FGF12: variants seen among roughly 807,000 people sequenced by gnomAD.
FGF12 encodes fibroblast growth factor 12, also known as fibroblast growth factor 12B.
FGF12 carries 14 observed loss-of-function variants against 23.6 expected under a neutral mutation model. That is an observed-to-expected ratio of 0.59 (90% CI 0.39 to 0.93). The LOEUF (loss-of-function observed/expected upper bound fraction) is 0.93. Ranked by LOEUF, FGF12 falls within the 40% of genes least tolerant of loss-of-function variation. The pLI is 0.00. For missense variants in FGF12, 175 were observed against 217.8 expected (o/e 0.80, Z 1.24); for synonymous variants, 62 against 77.3 (o/e 0.80, Z 1.04).
chr3:192,182,144 AT>A (rs1220175069), intron 4 of FGF12, among the ~76,000 whole-genome samples: 1 of 152,144 alleles, frequency 6.6e-6, no homozygotes, highest in Non-Finnish European at 1.5e-5. Context: ...ATTTGTGTGT[AT>A]TATGTATGAT....
In FGF12 at chr3:192,208,658, T is replaced by C. The variant is rs1049039294; in HGVS notation, c.229-38002A>G. Among the ~76,000 whole-genome samples the C allele has an allele frequency of 1.1e-4, 16 of 152,300 alleles. 2 individuals are homozygous for C. Among genetic ancestry groups the C allele is most frequent in the African/African-American group, 1.4e-4 (6 of 41,578 alleles). ...AACGGAGTCACTTCCAGAATGCAAA[T>C]AAATGTAGAATAATTTCAATTTTAA... On this transcript the variant is annotated intron_variant, in intron 4 of 5. Coordinates refer to ENST00000445105, the MANE Select transcript of FGF12 (RefSeq NM_004113.6).
intron 2 of FGF12, among the ~76,000 whole-genome samples, chr3:192,522,042 G>C (rs945825694): frequency 5.9e-5 from 9 of 152,064 alleles, no homozygotes; most frequent in Admixed American, 2.0e-4. Context: ...ACTAAAAATA[G>C]TAAATATTAG....
At chr3:192,577,414 T>C (rs1396001132) in intron 2 of FGF12, among the ~76,000 whole-genome samples, 1 of 152,194 alleles carries the variant, frequency 6.6e-6, no homozygotes, top group East Asian at 1.9e-4. Context: ...TTTGGCCCTT[T>C]GTATGTACTC....
At chr3:192,439,835 G>T (rs1445992593) in intron 2 of FGF12, among the ~76,000 whole-genome samples, 1 of 152,036 alleles carries the variant, frequency 6.6e-6, no homozygotes, top group Non-Finnish European at 1.5e-5. Flanking sequence ...AATTTAGCCG[G>T]GTGTGGTGGT....
At chr3:192,554,920 A>G (rs1397237006) in intron 2 of FGF12, among the ~76,000 whole-genome samples, 1 of 152,176 alleles carries the variant, frequency 6.6e-6, no homozygotes, top group Non-Finnish European at 1.5e-5. Context: ...GTTCAACTGC[A>G]TATTTGATCT....
chr3:192,723,271 AG>A (rs1719096250), intron 2 of FGF12, among the ~76,000 whole-genome samples: 1 of 152,108 alleles, frequency 6.6e-6, no homozygotes, highest in Non-Finnish European at 1.5e-5. Flanking sequence ...TAGATCACGC[AG>A]TTTCTTTTTC....
intron 2 of FGF12, among the ~76,000 whole-genome samples, chr3:192,595,463 T>C (rs1459362278): frequency 1.3e-5 from 2 of 152,162 alleles, no homozygotes; most frequent in Non-Finnish European, 2.9e-5. Context: ...AGCCTTTGAG[T>C]TCTTAACGTC....
At chr3:192,552,493 A>G (rs1400140024) in intron 2 of FGF12, among the ~76,000 whole-genome samples, 1 of 152,036 alleles carries the variant, frequency 6.6e-6, no homozygotes, top group Non-Finnish European at 1.5e-5. Context: ...TTATAATCAA[A>G]GTGCTGAAAG....
At chr3:192,224,220 A>G (rs1718614473) in intron 4 of FGF12, among the ~76,000 whole-genome samples, 1 of 152,156 alleles carries the variant, frequency 6.6e-6, no homozygotes, top group Non-Finnish European at 1.5e-5. Context: ...GGTGCTGGAG[A>G]ACGCTTTCTG....
At chr3:192,593,752 T>C (rs1003483367) in intron 2 of FGF12, among the ~76,000 whole-genome samples, 1 of 151,960 alleles carries the variant, frequency 6.6e-6, no homozygotes, top group African/African-American at 2.4e-5. Context: ...AATTCAAAGC[T>C]AGGCATTGAT....
intron 4 of FGF12, among the ~76,000 whole-genome samples, chr3:192,257,751 T>A (rs1440048630): frequency 6.6e-6 from 1 of 152,026 alleles, no homozygotes; most frequent in East Asian, 1.9e-4. Flanking sequence ...CTTTGAAGAG[T>A]CTTTCCATGG....
chr3:192,405,478 C>T (rs1055850785), intron 2 of FGF12, among the ~76,000 whole-genome samples: 1 of 151,184 alleles, frequency 6.6e-6, no homozygotes, highest in African/African-American at 2.5e-5. Flanking sequence ...GAACATGTGT[C>T]TCAGTGACAG....
intron 2 of FGF12, among the ~76,000 whole-genome samples, chr3:192,584,724 G>A (rs1713302358): frequency 6.6e-6 from 1 of 152,000 alleles, no homozygotes; most frequent in East Asian, 1.9e-4. Context: ...TGATCCTCAG[G>A]CTATCCTGTG....
At chr3:192,648,912 T>C (rs1472228339) in intron 2 of FGF12, among the ~76,000 whole-genome samples, 1 of 152,170 alleles carries the variant, frequency 6.6e-6, no homozygotes, top group East Asian at 1.9e-4. Context: ...ATCTCCAATA[T>C]GGATTCTCAA....
chr3:192,214,863 T>C (rs1358628337), intron 4 of FGF12, among the ~76,000 whole-genome samples: 1 of 152,250 alleles, frequency 6.6e-6, no homozygotes, highest in Non-Finnish European at 1.5e-5. Flanking sequence ...AACTTAAATG[T>C]AGTTACATGA....
intron 4 of FGF12, among the ~76,000 whole-genome samples, chr3:192,329,964 C>A (rs1270938967): frequency 6.6e-6 from 1 of 152,058 alleles, no homozygotes; most frequent in African/African-American, 2.4e-5. Flanking sequence ...TTTTTATTTA[C>A]TCTATTTTTT....
At chr3:192,542,060 A>G (rs1227797143) in intron 2 of FGF12, among the ~76,000 whole-genome samples, 2 of 142,332 alleles carry the variant, frequency 1.4e-5, no homozygotes, top group East Asian at 2.0e-4. Context: ...TTTAGTGGAG[A>G]CGGGGTTTCA....
intron 4 of FGF12, among the ~76,000 whole-genome samples, chr3:192,186,880 C>T (rs531658067): frequency 6.6e-6 from 1 of 152,210 alleles, no homozygotes. Flanking sequence ...TACCAACACA[C>T]TCAAACATAG....
intron 2 of FGF12, among the ~76,000 whole-genome samples, chr3:192,373,680 T>A (rs1719345507): frequency 6.6e-6 from 1 of 152,156 alleles, no homozygotes; most frequent in Non-Finnish European, 1.5e-5. Context: ...TTAGATTCAT[T>A]TTGGGAGGCT....
Sources: allele counts gnomAD v4.1 joint callset (sites outside exome capture counted in the v4.1 genomes callset), GRCh38; gene constraint gnomAD v4.1.1; transcripts MANE v1.5; gene names NCBI Gene and HGNC (gene_info 2026-07-23, HGNC 2026-07-21).